Variants in SNCAIP observed in about 807,000 individuals in gnomAD.
The protein encoded by SNCAIP is synphilin-1.
In SNCAIP, 43 loss-of-function variants were observed where a neutral mutation model predicts 86.7. That is an observed-to-expected ratio of 0.50 (90% confidence interval 0.39 to 0.64). The LOEUF is 0.64. Ranked by LOEUF, SNCAIP falls within the 30% of genes least tolerant of loss-of-function variation. The pLI, the probability that SNCAIP is intolerant of heterozygous loss-of-function variation, is 0.00. For synonymous variants in SNCAIP, 417 were observed against 427.2 expected, an observed-to-expected ratio of 0.98 and a Z score of 0.29; for missense variants, 981 against 1,103.1, an observed-to-expected ratio of 0.89 and a Z score of 1.57.
chr5:122,432,421 T>C (rs1344987423), intron 6 of SNCAIP, among the ~76,000 whole-genome samples: 1 of 152,062 alleles, frequency 6.6e-6, no homozygotes, highest in Non-Finnish European at 1.5e-5. Flanking sequence ...TAAAGAGAAA[T>C]AGAAATTAAT....
At chr5:122,376,470 A>G (rs1324822023) in intron 1 of SNCAIP, among the ~76,000 whole-genome samples, 2 of 152,198 alleles carry the variant, frequency 1.3e-5, no homozygotes, top group Non-Finnish European at 2.9e-5. Flanking sequence ...TCCAGAAGCC[A>G]GTGCAAGACA....
chr5:122,408,663 G>A (rs1185359161), intron 3 of SNCAIP, among the ~76,000 whole-genome samples: 2 of 152,202 alleles, frequency 1.3e-5, no homozygotes, highest in Admixed American at 6.5e-5. Flanking sequence ...TAGAAAGAAA[G>A]GAAGTGCAAG....
At position 122,450,976 on chromosome 5, in the gene SNCAIP, G is replaced by A. The variant is rs1466558209; in HGVS notation, c.2129G>A (p.Ser710Asn). Residue 710 changes from serine (S) to asparagine (N), a missense_variant, in exon 10 of 11, where the codon AGT becomes AAT. Ser to Asn is a conservative substitution (Grantham distance 46). Transcript: ENST00000261368. ...RPQPIVESVE[S>N]MDSAESLHLM... ...CAGCCCATTGTAGAAAGCGTAGAGA[G>A]TATGGACAGCGCAGAAAGCCTGCAC... 6.2e-7 allele frequency: 1 copy of A among 1,614,036 alleles called. No individual in the cohort carries two copies.
At chr5:122,427,165 T>C (rs1777532640) in intron 5 of SNCAIP, among the ~76,000 whole-genome samples, 1 of 152,294 alleles carries the variant, frequency 6.6e-6, no homozygotes, top group African/African-American at 2.4e-5. Flanking sequence ...TAGAAGAAAA[T>C]AATTTTTTTT....
At chr5:122,430,829 AAG>A (rs1257083238) in intron 5 of SNCAIP, among the ~76,000 whole-genome samples, 4 of 152,080 alleles carry the variant, frequency 2.6e-5, no homozygotes, top group Non-Finnish European at 5.9e-5. Context: ...CTTGATCCTA[AAG>A]GTCAAGAGGG....
At chr5:122,417,395 C>T (rs1227767421) in intron 3 of SNCAIP, among the ~76,000 whole-genome samples, 5 of 152,074 alleles carry the variant, frequency 3.3e-5, no homozygotes, top group Non-Finnish European at 5.9e-5. Flanking sequence ...AGGGGTGGAT[C>T]GGGTTTTAGC....
In SNCAIP at chr5:122,422,874, G is replaced by A. The variant is rs1393526827; in HGVS notation, c.137G>A (p.Ser46Asn). 5 of 1,613,582 alleles carry A rather than the reference G, an allele frequency of 3.1e-6. No homozygotes were observed. Among genetic ancestry groups the A allele is most frequent in the Non-Finnish European group, 4.2e-6 (5 of 1,179,630 alleles). The part of the protein sequence containing the change: ...DTQNEDRSVS[S>N]SSWNCGISTL... Reference sequence around the variant, plus strand: ...TTTAATTTTTTAAAAACAGTTTCTAGCTCTAGCTGGAATTGTGGCATCTCA... The same window carrying A: ...TTTAATTTTTTAAAAACAGTTTCTAACTCTAGCTGGAATTGTGGCATCTCA... Residue 46 changes from serine (S) to asparagine (N), a missense_variant, in exon 4 of 11, where the codon AGC becomes AAC. By Grantham distance (46) the Ser-to-Asn change is conservative. Transcript: ENST00000261368.
intron 3 of SNCAIP, among the ~76,000 whole-genome samples, chr5:122,412,809 A>G (rs900633426): frequency 6.6e-6 from 1 of 152,194 alleles, no homozygotes; most frequent in Non-Finnish European, 1.5e-5. Context: ...CTCTCTCCTC[A>G]GTGAACTGCA....
In SNCAIP at chr5:122,444,744, G is replaced by A; in HGVS notation, c.1592+12G>A. ...AAGCAGCTAAAGGAGTAAGTGGCCT[G>A]TTGGTTCCATGAGAACCAAGTCTAA... On this transcript the variant is annotated intron_variant, in intron 8 of 10. Coordinates refer to ENST00000261368, the MANE Select transcript of SNCAIP (RefSeq NM_005460.4). The A allele has an allele frequency of 6.2e-7, 1 of 1,611,986 alleles. No homozygotes were observed. Among genetic ancestry groups the A allele is most frequent in the Non-Finnish European group, 8.5e-7 (1 of 1,178,080 alleles).
rs148345004 is a variant in SNCAIP, at chr5:122,451,289, G to A, written c.2442G>A (p.Leu814=). The A allele has an allele frequency of 6.2e-7, 1 of 1,614,160 alleles. No homozygotes were observed. The highest frequency in any genetic ancestry group is 2.2e-5 in the East Asian group (1 of 44,880). Residue 814 remains leucine, a synonymous_variant, in exon 10 of 11, where the codon CTG becomes CTA. Coordinates refer to ENST00000261368, the MANE Select transcript of SNCAIP (RefSeq NM_005460.4). The part of the protein sequence containing the change: ...SKRRTSQNLK[L]RVTFEEPVVQ... Reference sequence around the variant, plus strand: ...GTAGGACATCTCAGAACTTAAAACTGAGAGTTACCTTTGAGGAGCCTGTGG... The same window carrying A: ...GTAGGACATCTCAGAACTTAAAACTAAGAGTTACCTTTGAGGAGCCTGTGG...
At chr5:122,344,775 G>C (rs1025767744) in intron 1 of SNCAIP, among the ~76,000 whole-genome samples, 1 of 152,036 alleles carries the variant, frequency 6.6e-6, no homozygotes, top group East Asian at 1.9e-4. Flanking sequence ...TTTAAAATTT[G>C]TATTATATAT....
intron 1 of SNCAIP, among the ~76,000 whole-genome samples, chr5:122,364,983 G>C (rs925940086): frequency 3.3e-5 from 5 of 152,140 alleles, no homozygotes; most frequent in African/African-American, 1.2e-4. Context: ...GTTAAAAAGA[G>C]ACATATACAA....
Position 122,423,342 on chromosome 5 carries a change from C to T in SNCAIP, c.605C>T (p.Ser202Phe). The change falls in exon 4 of 11, where the codon TCC (serine) becomes TTC (phenylalanine). Residue 202 changes from serine (S) to phenylalanine (F), a missense_variant. By Grantham distance (155) the Ser-to-Phe change is radical (BLOSUM62 -2). Transcript: ENST00000261368. ...CSTGSSESSS[S>F]NMAPFCVLSP... The stretch of plus-strand genomic sequence containing the variant: ...ACAGGAAGTTCTGAGAGCTCATCAT[C>T]CAACATGGCACCATTTTGTGTTCTT... 1 of 1,614,052 alleles carries T rather than the reference C, an allele frequency of 6.2e-7. No individual in the cohort carries two copies. Among genetic ancestry groups the T allele is most frequent in the Non-Finnish European group, 8.5e-7 (1 of 1,179,964 alleles).
At chr5:122,412,760 A>C (rs1345332977) in intron 3 of SNCAIP, among the ~76,000 whole-genome samples, 1 of 152,112 alleles carries the variant, frequency 6.6e-6, no homozygotes, top group African/African-American at 2.4e-5. Context: ...TCTAAAGAGA[A>C]ATTCTTGAAT....
At chr5:122,414,008 C>A (rs1440233368) in intron 3 of SNCAIP, among the ~76,000 whole-genome samples, 4 of 152,128 alleles carry the variant, frequency 2.6e-5, no homozygotes, top group Non-Finnish European at 5.9e-5. Context: ...CTCCTGGACT[C>A]AAGCAGTCCT....
chr5:122,368,840 A>C (rs988329070), intron 1 of SNCAIP, among the ~76,000 whole-genome samples: 1 of 152,180 alleles, frequency 6.6e-6, no homozygotes, highest in African/African-American at 2.4e-5. Context: ...TTTTAGTCCT[A>C]CCCTGGCTGG....
chr5:122,336,769 T>G (rs1235765242), intron 1 of SNCAIP: 1 of 152,340 alleles, frequency 6.6e-6, no homozygotes, highest in South Asian at 2.1e-4. Flanking sequence ...CCCAGATGAT[T>G]TTTTTGTATT....
At chr5:122,414,039 A>G (rs1324031982) in intron 3 of SNCAIP, among the ~76,000 whole-genome samples, 2 of 152,094 alleles carry the variant, frequency 1.3e-5, no homozygotes, top group African/African-American at 4.8e-5. Flanking sequence ...CTTCCCTAGT[A>G]GATGAAACTA....
At chr5:122,436,219 G>T (rs1779441574) in intron 6 of SNCAIP, among the ~76,000 whole-genome samples, 1 of 150,742 alleles carries the variant, frequency 6.6e-6, no homozygotes, top group African/African-American at 2.4e-5. Flanking sequence ...TTTAAAAAGA[G>T]AGAAAATATA....
Sources: allele counts gnomAD v4.1 joint callset (sites outside exome capture counted in the v4.1 genomes callset), GRCh38; gene constraint gnomAD v4.1.1; transcripts MANE v1.5; gene names NCBI Gene and HGNC (gene_info 2026-07-23, HGNC 2026-07-21).